Variants in ABHD2 observed in about 807,000 individuals in gnomAD.
ABHD2 encodes monoacylglycerol lipase ABHD2.
Under a neutral mutation model 48.1 loss-of-function variants are expected in ABHD2, and 20 were observed. That is an observed-to-expected ratio of 0.42 (90% CI 0.29 to 0.60). The LOEUF (loss-of-function observed/expected upper bound fraction) is 0.60, where lower values mean the gene tolerates loss of function less well. Ranked by LOEUF, ABHD2 falls within the 20% of genes least tolerant of loss-of-function variation. ABHD2 has a pLI of 0.24. For synonymous variants in ABHD2, 209 were observed against 214.2 expected (o/e 0.98, Z 0.21); for missense variants, 405 against 550.9 (o/e 0.74, Z 2.65).
At chr15:89,136,508 T>C (rs576159105) in intron 3 of ABHD2, 11 of 385,434 alleles carry the variant, frequency 2.9e-5, no homozygotes, top group African/African-American at 1.9e-4. Flanking sequence ...TTAGTTATTT[T>C]TCCTCAGCAA....
In ABHD2 at chr15:89,102,630, T is replaced by A. The variant is rs2049718907; in HGVS notation, c.-106-11095T>A. 1 of 152,252 alleles carries A rather than the reference T, an allele frequency of 6.6e-6. No individual in the cohort carries two copies. Among genetic ancestry groups the A allele is most frequent in the Admixed American group, 6.5e-5 (1 of 15,290 alleles). The allele number at this position is 152,252 out of a possible 1,614,324, so 9.4% of individuals were successfully genotyped here. On this transcript the variant is annotated intron_variant, in intron 1 of 10. Coordinates refer to ENST00000352732, the MANE Select transcript of ABHD2 (RefSeq NM_152924.5). The surrounding 1 kb of genome is among the most constrained non-coding windows in gnomAD (Gnocchi z 4.8). ...TCAGAGTAATATTTCTGCCATTTTT[T>A]ATGAAACCATCTTCCTTGATGGCCA...
chr15:89,131,344 C>G (rs758039537), intron 3 of ABHD2, among the ~76,000 whole-genome samples: 1 of 152,236 alleles, frequency 6.6e-6, no homozygotes, highest in African/African-American at 2.4e-5. Context: ...TACCTCCACA[C>G]AGCCTCTTTA....
rs1332846863 is a variant in ABHD2, at chr15:89,197,141, C to T, written c.*1718C>T. 1.3e-5 allele frequency: 2 copies of T among 152,534 alleles called. No homozygotes were observed. Among genetic ancestry groups the T allele is most frequent in the East Asian group, 3.9e-4 (2 of 5,172 alleles). 9.4% of individuals were successfully genotyped at this position (152,534 alleles called of 1,614,324 possible). On this transcript the variant is annotated 3_prime_UTR_variant, in exon 11 of 11. Coordinates refer to ENST00000352732, the MANE Select transcript of ABHD2 (RefSeq NM_152924.5). The surrounding 1 kb of genome is among the most constrained non-coding windows in gnomAD (Gnocchi z 4.4). ...GGGTCCAAGTGACTGTGACGGGACC[C>T]GTGGGCATGGGTCCAGGTCTGTAAC...
chr15:89,143,916 T>C lies in ABHD2; in HGVS notation c.195-7761T>C, dbSNP rs113169199. Among the ~76,000 whole-genome samples, 1,426 of 152,158 alleles carry C rather than the reference T, an allele frequency of 9.4e-3. 18 individuals carry two copies. Among genetic ancestry groups the C allele is most frequent in the African/African-American group, 0.033 (1,351 of 41,518 alleles). Reference sequence around the variant, plus strand: ...GAGGATATGGAGAAATTGGGACTCTTGTATGTTCCTGATTGGGAATATAAA... The same window carrying C: ...GAGGATATGGAGAAATTGGGACTCTCGTATGTTCCTGATTGGGAATATAAA... On this transcript the variant is annotated intron_variant, in intron 3 of 10. Coordinates refer to ENST00000352732, the MANE Select transcript of ABHD2 (RefSeq NM_152924.5).
chr15:89,059,390 C>G, the ABHD2 span, among the ~76,000 whole-genome samples: 1 of 152,166 alleles, frequency 6.6e-6, no homozygotes, highest in South Asian at 2.1e-4. Context: ...TTATTTGTCC[C>G]TGGGAGACGC....
At chr15:89,112,921 A>C (rs2150808052) in intron 1 of ABHD2, among the ~76,000 whole-genome samples, 1 of 152,348 alleles carries the variant, frequency 6.6e-6, no homozygotes, top group Middle Eastern at 3.4e-3. Context: ...TGGGGTAATA[A>C]TAGCATCTAC....
At chr15:89,071,116 A>G in the ABHD2 span, among the ~76,000 whole-genome samples, 1 of 152,008 alleles carries the variant, frequency 6.6e-6, no homozygotes, top group African/African-American at 2.4e-5. Context: ...ACCCAAAGGT[A>G]GCAAATAAGA....
At chr15:89,067,769 G>A in the ABHD2 span, among the ~76,000 whole-genome samples, 362 of 152,272 alleles carry the variant, frequency 2.4e-3, 5 homozygotes, top group Non-Finnish European at 3.5e-3. Context: ...AACACTCTGT[G>A]GAGCAAACTC....
At chr15:89,077,130 C>G in the ABHD2 span, among the ~76,000 whole-genome samples, 1 of 152,158 alleles carries the variant, frequency 6.6e-6, no homozygotes, top group African/African-American at 2.4e-5. Flanking sequence ...CACTGGCACC[C>G]AAGAACCCCC....
rs1470624541 is a variant in ABHD2, at chr15:89,097,667, T to C, written c.-107+9104T>C. On this transcript the variant is annotated intron_variant, in intron 1 of 10. Coordinates refer to ENST00000352732, the MANE Select transcript of ABHD2 (RefSeq NM_152924.5). The surrounding 1 kb of genome is among the most constrained non-coding windows in gnomAD (Gnocchi z 4.2). ...GATAACGCATTCATGTGTTATAACA[T>C]TCAAAAGGTACAACATAGTAAAGAG... Among the ~76,000 whole-genome samples the C allele has an allele frequency of 2.0e-5, 3 of 152,182 alleles. No individual in the cohort carries two copies. The highest frequency in any genetic ancestry group is 4.4e-5 in the Non-Finnish European group (3 of 68,040).
intron 3 of ABHD2, among the ~76,000 whole-genome samples, chr15:89,117,312 C>T (rs1317815631): frequency 6.6e-6 from 1 of 152,254 alleles, no homozygotes; most frequent in Non-Finnish European, 1.5e-5. Flanking sequence ...AGGCATGAGC[C>T]ACTGCACCTT....
At chr15:89,052,542 G>GGCAGACACAC in the ABHD2 span, among the ~76,000 whole-genome samples, 1,836 of 139,022 alleles carry the variant, frequency 0.013, 50 homozygotes, top group African/African-American at 0.047. Flanking sequence ...CAGACAGACA[G>GGCAGACACAC]ACAGACAGAC....
chr15:89,156,415 C>T (rs1396622931), intron 5 of ABHD2, among the ~76,000 whole-genome samples: 1 of 152,080 alleles, frequency 6.6e-6, no homozygotes, highest in African/African-American at 2.4e-5. Context: ...GCCACCGCGC[C>T]CCGCCTTTTT....
chr15:89,094,750 C>G lies in ABHD2; in HGVS notation c.-107+6187C>G, dbSNP rs1223456191. Among the ~76,000 whole-genome samples, 1 of 151,328 alleles carries G rather than the reference C, an allele frequency of 6.6e-6. No homozygotes were observed. Among genetic ancestry groups the G allele is most frequent in the African/African-American group, 2.4e-5 (1 of 41,168 alleles). On this transcript the variant is annotated intron_variant, in intron 1 of 10. Transcript: ENST00000352732. The surrounding 1 kb of genome is among the most constrained non-coding windows in gnomAD (Gnocchi z 4.7). ...AACAACAAAAACAAATAAGGAAATA[C>G]AAAAGCCCTGTCATCTAAAAAGATA...
At chr15:89,049,390 GC>G in the ABHD2 span, among the ~76,000 whole-genome samples, 1 of 152,262 alleles carries the variant, frequency 6.6e-6, no homozygotes, top group Non-Finnish European at 1.5e-5. Context: ...AGGCAGGCAG[GC>G]CTCCTTGAGC....
At chr15:89,108,067 T>G (rs1045064645) in intron 1 of ABHD2, among the ~76,000 whole-genome samples, 9 of 152,188 alleles carry the variant, frequency 5.9e-5, no homozygotes, top group African/African-American at 2.2e-4. Context: ...TCATCTGAAT[T>G]GATGGGAGCG....
chr15:89,099,775 A>G (rs1465012671), intron 1 of ABHD2, among the ~76,000 whole-genome samples: 3 of 152,086 alleles, frequency 2.0e-5, no homozygotes, highest in African/African-American at 7.2e-5. Flanking sequence ...ATGGTAGTGC[A>G]CACCTGTGGT....
At chr15:89,129,792 TA>T (rs1013730794) in intron 3 of ABHD2, among the ~76,000 whole-genome samples, 229 of 141,402 alleles carry the variant, frequency 1.6e-3, no homozygotes, top group Admixed American at 1.8e-3. Flanking sequence ...GTATGCTGAT[TA>T]AAAAAAAAAA....
the ABHD2 span, among the ~76,000 whole-genome samples, chr15:89,080,000 A>G: frequency 6.6e-6 from 1 of 152,192 alleles, no homozygotes; most frequent in Non-Finnish European, 1.5e-5. The surrounding 1 kb of genome is among the most constrained non-coding windows in gnomAD (Gnocchi z 4.3). Context: ...CTAGCCCCCA[A>G]TCATAGGGCA....
Sources: allele counts gnomAD v4.1 joint callset (sites outside exome capture counted in the v4.1 genomes callset), GRCh38; gene constraint gnomAD v4.1.1; non-coding constraint Gnocchi (gnomAD v3.1); transcripts MANE v1.5; gene names NCBI Gene and HGNC (gene_info 2026-07-23, HGNC 2026-07-21).